ERRFI1: variants seen among roughly 807,000 people sequenced by gnomAD.
ERRFI1 encodes the protein ERBB receptor feedback inhibitor 1.
A neutral mutation model predicts 14.6 loss-of-function variants in ERRFI1; 12 were observed. The observed-to-expected ratio is 0.82, with a 90% CI of 0.53 to 1.33. ERRFI1 has a LOEUF of 1.33. Among genes scored for constraint, ERRFI1 ranks in the 40% most tolerant of loss-of-function variants. The pLI is 0.00. For missense variants in ERRFI1, 482 were observed against 572.1 expected (o/e 0.84, Z 1.61); for synonymous variants, 202 against 209.9 (o/e 0.96, Z 0.32).
rs576931281 is a variant in ERRFI1, at chr1:8,013,713, G to C, written c.886C>G (p.Pro296Ala). 1.1e-5 allele frequency: 18 copies of C among 1,614,154 alleles called. No homozygotes were observed. In the African/African-American group the frequency reaches 1.6e-4, roughly 14 times the overall value. The part of the protein sequence containing the change: ...RVPIPPRPVK[P>A]DYRRWSAEVT... ...TCTGCTGACCATCTTCTATAATCTGGCTTTACTGGTCTAGGAGGTATGGGA... is the reference window on the plus strand; with the variant it reads ...TCTGCTGACCATCTTCTATAATCTGCCTTTACTGGTCTAGGAGGTATGGGA... Residue 296 changes from proline to alanine, a missense_variant, in exon 4 of 4, where the codon CCA becomes GCA. Coordinates refer to ENST00000377482, the MANE Select transcript of ERRFI1 (RefSeq NM_018948.4). This position sits in a 1 kb window ranked among gnomAD's most constrained non-coding sequence, Gnocchi z 4.3.
chr1:8,023,919 A>C (rs1641307832), intron 1 of ERRFI1, among the ~76,000 whole-genome samples: 1 of 152,210 alleles, frequency 6.6e-6, no homozygotes, highest in Non-Finnish European at 1.5e-5. Flanking sequence ...GTATAGCCAG[A>C]CACCCGCAAA....
intron 3 of ERRFI1, chr1:8,014,725 T>G: frequency 3.3e-6 from 1 of 300,974 alleles, no homozygotes; most frequent in Non-Finnish European, 6.2e-6. Flanking sequence ...ATGAATACCA[T>G]ACTGTACCAG....
chr1:8,012,740 A>G lies in ERRFI1; in HGVS notation c.*470T>C, dbSNP rs1452406790. 4.3e-6 allele frequency: 1 copy of G among 230,648 alleles called. No individual in the cohort carries two copies. The highest frequency in any genetic ancestry group is 2.2e-5 in the African/African-American group (1 of 45,124). The allele number at this position is 230,648 out of a possible 1,614,324, so 14.3% of individuals were successfully genotyped here. On this transcript the variant is annotated 3_prime_UTR_variant, in exon 4 of 4. Transcript: ENST00000377482. ...AAAGCCAGAAATCTTCAAACTTACT[A>G]AACAAAAATATTTTTTAATGATTCT... is the stretch of plus-strand genomic sequence containing the variant.
At chr1:8,024,175 C>G (rs560506198) in intron 1 of ERRFI1, among the ~76,000 whole-genome samples, 1 of 152,104 alleles carries the variant, frequency 6.6e-6, no homozygotes, top group South Asian at 2.1e-4. Context: ...TGAAAAGCCA[C>G]CATTAGTTTC....
chr1:8,014,866 C>G, intron 3 of ERRFI1: 1 of 206,944 alleles, frequency 4.8e-6, no homozygotes. Flanking sequence ...AGTTCACACA[C>G]AGCTCTTGAC....
Position 8,013,156 on chromosome 1 carries a change from A to G in ERRFI1, c.*54T>C. The G allele has an allele frequency of 6.8e-7, 1 of 1,469,266 alleles. No homozygotes were observed. Among genetic ancestry groups the G allele is most frequent in the Non-Finnish European group, 9.2e-7 (1 of 1,088,252 alleles). 91.0% of individuals were successfully genotyped at this position (1,469,266 alleles called of 1,614,324 possible). Reference sequence around the variant, plus strand: ...TTCTCTGCACTTCAATCAAACTGGAAAATTGAGAACCATTTGCTCCTATGT... The same window carrying G: ...TTCTCTGCACTTCAATCAAACTGGAGAATTGAGAACCATTTGCTCCTATGT... On this transcript the variant is annotated 3_prime_UTR_variant, in exon 4 of 4. Transcript: ENST00000377482. This position sits in a 1 kb window ranked among gnomAD's most constrained non-coding sequence, Gnocchi z 4.3.
At chr1:8,015,729 A>G in intron 1 of ERRFI1, 37 bp from the exon 2 acceptor site, 3 of 1,346,482 alleles carry the variant, frequency 2.2e-6, no homozygotes, top group Non-Finnish European at 3.1e-6. Context: ...AAAGAAAACA[A>G]TTCAGAAATA....
rs749939148 is a variant in ERRFI1, at chr1:8,015,667, T to C, written c.-48A>G. ...CCAAACCTGTGAGGCCCAGGCACTT[T>C]AAAATCAACCAGTAGCTTTCATTCC... On this transcript the variant is annotated 5_prime_UTR_variant, in exon 2 of 4. Coordinates refer to ENST00000377482, the MANE Select transcript of ERRFI1 (RefSeq NM_018948.4). 32 of 1,611,598 alleles carry C rather than the reference T, an allele frequency of 2.0e-5. No individual in the cohort carries two copies. The highest frequency in any genetic ancestry group is 8.9e-5 in the East Asian group (4 of 44,862).
Position 8,014,351 on chromosome 1 carries a change from T to C in ERRFI1, c.248A>G (p.Glu83Gly). The change falls in exon 4 of 4, where the codon GAA becomes GGA. Residue 83 changes from glutamate (E) to glycine (G), a missense_variant. Glu to Gly is a moderately conservative substitution (Grantham distance 98). Coordinates refer to ENST00000377482, the MANE Select transcript of ERRFI1 (RefSeq NM_018948.4). ...GCTGGACTTTTGAGATGGACCATTT[T>C]CTGCAAAGCAGTGGCCATTCATCGG... ...SAPMNGHCFA[E>G]NGPSQKSSLP... 1.2e-6 allele frequency: 2 copies of C among 1,606,830 alleles called. No homozygotes were observed. Among genetic ancestry groups the C allele is most frequent in the Non-Finnish European group, 1.7e-6 (2 of 1,175,926 alleles).
In ERRFI1 at chr1:8,016,048, G is replaced by C. The variant is rs1312174955; in HGVS notation, c.-73-356C>G. Among the ~76,000 whole-genome samples, 5 of 152,154 alleles carry C rather than the reference G, an allele frequency of 3.3e-5. No individual in the cohort carries two copies. In the East Asian group the frequency reaches 9.6e-4, roughly 29 times the overall value. On this transcript the variant is annotated intron_variant, in intron 1 of 3. Transcript: ENST00000377482. ...CTGACTTATTAAACCAGCCTTCTAA[G>C]TTACGGCTGCACTGGGCATGAAGCA... is the stretch of plus-strand genomic sequence containing the variant.
At chr1:8,025,495 C>T (rs892552407) in intron 1 of ERRFI1, among the ~76,000 whole-genome samples, 2 of 152,130 alleles carry the variant, frequency 1.3e-5, no homozygotes, top group African/African-American at 2.4e-5. Context: ...ATACTGATTT[C>T]GGCATTACCA....
At chr1:8,018,560 G>A (rs567026587) in intron 1 of ERRFI1, among the ~76,000 whole-genome samples, 10 of 152,144 alleles carry the variant, frequency 6.6e-5, no homozygotes. Context: ...GTACAAGATG[G>A]GATTATGTTA....
rs115187767 is a variant in ERRFI1 at position 8,016,604 on chromosome 1, T to A, written c.-73-912A>T. Among the ~76,000 whole-genome samples the A allele has an allele frequency of 5.4e-3, 828 of 152,338 alleles. 5 individuals are homozygous for A. Among genetic ancestry groups the A allele is most frequent in the African/African-American group, 0.019 (796 of 41,572 alleles). On this transcript the variant is annotated intron_variant, in intron 1 of 3. Transcript: ENST00000377482. ...TATAGCCCCCTTTTCACTTTCCTTTTTTATTATTCGTTATGTGTTAGTCAG... is the reference window on the plus strand; with the variant it reads ...TATAGCCCCCTTTTCACTTTCCTTTATTATTATTCGTTATGTGTTAGTCAG...
intron 1 of ERRFI1, among the ~76,000 whole-genome samples, chr1:8,016,595 C>A (rs1641177318): frequency 6.6e-6 from 1 of 152,196 alleles, no homozygotes; most frequent in Non-Finnish European, 1.5e-5. Context: ...CCCCTTTTCA[C>A]TTTCCTTTTT....
intron 1 of ERRFI1, among the ~76,000 whole-genome samples, chr1:8,019,653 A>T (rs1022963517): frequency 1.3e-5 from 2 of 152,206 alleles, no homozygotes; most frequent in Non-Finnish European, 2.9e-5. Context: ...TGAAGAGCTC[A>T]GGGGAGAAGC....
Position 8,015,291 on chromosome 1 carries a change from AT to A in ERRFI1, c.202+16del. ...CTTCTCAAATGCTTACTGTGATCAG[AT>A]TTTCAGAATACATACCAAGTGGTAT... On this transcript the variant is annotated intron_variant, in intron 3 of 3. Coordinates refer to ENST00000377482, the MANE Select transcript of ERRFI1 (RefSeq NM_018948.4). 1 of 1,609,570 alleles carries A rather than the reference AT, an allele frequency of 6.2e-7. No individual in the cohort carries two copies. The highest frequency in any genetic ancestry group is 8.5e-7 in the Non-Finnish European group (1 of 1,175,856).
Position 8,013,130 on chromosome 1 carries a change from T to C in ERRFI1, c.*80A>G, listed in dbSNP as rs1641110731. ...ATTTTATTTTGCAATCTAAGGGATT[T>C]TTCTCTGCACTTCAATCAAACTGGA... On this transcript the variant is annotated 3_prime_UTR_variant, in exon 4 of 4. Transcript: ENST00000377482. This position sits in a 1 kb window ranked among gnomAD's most constrained non-coding sequence, Gnocchi z 4.3. 4 of 1,261,332 alleles carry C rather than the reference T, an allele frequency of 3.2e-6. No homozygotes were observed. Among genetic ancestry groups the C allele is most frequent in the Non-Finnish European group, 3.3e-6 (3 of 906,470 alleles). The allele number at this position is 1,261,332 out of a possible 1,614,324, so 78.1% of individuals were successfully genotyped here. A position where few individuals can be genotyped will look rare whatever the true frequency, so the allele number is the denominator to read the frequency against.
rs1641106201 is a variant in ERRFI1 at position 8,012,887 on chromosome 1, A to G, written c.*323T>C. On this transcript the variant is annotated 3_prime_UTR_variant, in exon 4 of 4. Coordinates refer to ENST00000377482, the MANE Select transcript of ERRFI1 (RefSeq NM_018948.4). ...CTCTACGATAGTAACTAATTGGTTAACCTGCAGCTATGGTCTATGGTTATA... is the reference window on the plus strand; with the variant it reads ...CTCTACGATAGTAACTAATTGGTTAGCCTGCAGCTATGGTCTATGGTTATA... The G allele has an allele frequency of 6.4e-6, 2 of 311,406 alleles. No individual in the cohort carries two copies. The highest frequency in any genetic ancestry group is 4.5e-5 in the Admixed American group (1 of 22,266). 19.3% of individuals were successfully genotyped at this position (311,406 alleles called of 1,614,324 possible). A position where few individuals can be genotyped will look rare whatever the true frequency, so the allele number is the denominator to read the frequency against.
chr1:8,021,614 G>A (rs529732673), intron 1 of ERRFI1, among the ~76,000 whole-genome samples: 2 of 152,112 alleles, frequency 1.3e-5, no homozygotes, highest in South Asian at 2.1e-4. Flanking sequence ...TAAGTTACCC[G>A]ATGGGTAACT....
Sources: gnomAD v4.1 joint callset for allele counts (sites outside exome capture counted in the v4.1 genomes callset) on GRCh38, gnomAD v4.1.1 for gene constraint, Gnocchi (gnomAD v3.1) non-coding constraint, MANE v1.5 for transcripts, NCBI Gene and HGNC (gene_info 2026-07-23, HGNC 2026-07-21) for gene names.